The following RSRC1 variants were observed in gnomAD, a reference collection of about 807,000 sequenced individuals.
RSRC1 encodes arginine and serine rich coiled-coil 1, also known as serine/Arginine-related protein 53.
RSRC1 carries 39 observed loss-of-function variants against 49.1 expected under a neutral mutation model. The ratio of observed to expected loss-of-function variants is 0.79; its 90% confidence interval spans 0.61 to 1.04. The LOEUF (loss-of-function observed/expected upper bound fraction) is 1.04. Among genes scored for constraint, RSRC1 ranks in the 50% least tolerant of loss-of-function variants. RSRC1 has a pLI of 0.00. For missense variants in RSRC1, 388 were observed against 402.4 expected, an observed-to-expected ratio of 0.96 and a Z score of 0.31; for synonymous variants, 143 against 130.8, an observed-to-expected ratio of 1.09 and a Z score of -0.63.
intron 4 of RSRC1, among the ~76,000 whole-genome samples, chr3:158,260,207 G>T (rs930461639): frequency 9.2e-5 from 14 of 152,090 alleles, no homozygotes; most frequent in Non-Finnish European, 1.9e-4. Flanking sequence ...AGCCAGCTTG[G>T]CTCTGAGTCT....
At chr3:158,390,811 C>T (rs546888455) in intron 6 of RSRC1, among the ~76,000 whole-genome samples, 9 of 152,078 alleles carry the variant, frequency 5.9e-5, no homozygotes, top group South Asian at 2.1e-4. Context: ...TGGATTTGTG[C>T]GCATTGTAAT....
chr3:158,111,005 G>A (rs1257288503), intron 1 of RSRC1, among the ~76,000 whole-genome samples: 2 of 152,170 alleles, frequency 1.3e-5, no homozygotes, highest in East Asian at 1.9e-4. Flanking sequence ...TACACTTTCA[G>A]AATTAGCAGT....
intron 4 of RSRC1, among the ~76,000 whole-genome samples, chr3:158,292,859 C>T (rs1342295995): frequency 6.6e-6 from 1 of 152,170 alleles, no homozygotes; most frequent in Non-Finnish European, 1.5e-5. Flanking sequence ...AAGTAAGCCT[C>T]ACATCATAGG....
At position 158,380,072 on chromosome 3, in the gene RSRC1, A is replaced by T. The variant is rs559254138; in HGVS notation, c.583+25164A>T. 2.0e-5 allele frequency among the ~76,000 whole-genome samples: 3 copies of T among 152,242 alleles called. No homozygotes were observed. In the South Asian group the frequency reaches 6.2e-4, roughly 32 times the overall value. ...GATATATGAAGGAATAATTGGCTTT[A>T]CTTTAATGTTTCTCATTTTTCTCTA... On this transcript the variant is annotated intron_variant, in intron 6 of 9. Transcript: ENST00000611884.
At chr3:158,272,565 CA>C (rs1371436053) in intron 4 of RSRC1, among the ~76,000 whole-genome samples, 2 of 151,454 alleles carry the variant, frequency 1.3e-5, no homozygotes, top group Non-Finnish European at 2.9e-5. Context: ...TTATGTTTTT[CA>C]AAAAAATTTT....
intron 8 of RSRC1, among the ~76,000 whole-genome samples, chr3:158,541,110 CA>C (rs2108508760): frequency 6.6e-6 from 1 of 152,248 alleles, no homozygotes; most frequent in East Asian, 1.9e-4. Context: ...CACTATACAC[CA>C]GCCCCTCTGG....
At chr3:158,118,954 T>C (rs1377162558) in intron 1 of RSRC1, among the ~76,000 whole-genome samples, 2 of 152,080 alleles carry the variant, frequency 1.3e-5, no homozygotes, top group African/African-American at 4.8e-5. Context: ...GGCTATGACT[T>C]TTCTATTTGA....
At chr3:158,444,342 G>A (rs940636100) in intron 6 of RSRC1, among the ~76,000 whole-genome samples, 2 of 152,068 alleles carry the variant, frequency 1.3e-5, no homozygotes, top group African/African-American at 4.8e-5. Flanking sequence ...AGAACCCTCA[G>A]AAATAATACC....
At chr3:158,444,732 T>C (rs2108379362) in intron 6 of RSRC1, among the ~76,000 whole-genome samples, 1 of 151,658 alleles carries the variant, frequency 6.6e-6, no homozygotes, top group Middle Eastern at 3.4e-3. Context: ...ACCTGCAGAG[T>C]AGGAAAATTT....
At chr3:158,172,584 C>A (rs111674439) in intron 3 of RSRC1, among the ~76,000 whole-genome samples, 5 of 152,034 alleles carry the variant, frequency 3.3e-5, no homozygotes, top group African/African-American at 7.3e-5. Flanking sequence ...TTTAGTTGAC[C>A]CTTCTAGGTT....
chr3:158,232,446 G>A (rs1723020091), intron 4 of RSRC1, among the ~76,000 whole-genome samples: 3 of 151,978 alleles, frequency 2.0e-5, no homozygotes, highest in Admixed American at 1.3e-4. Context: ...TTGACAGGTG[G>A]GGATAGTCAC....
At chr3:158,384,012 A>T (rs1410715568) in intron 6 of RSRC1, among the ~76,000 whole-genome samples, 1 of 152,098 alleles carries the variant, frequency 6.6e-6, no homozygotes, top group East Asian at 1.9e-4. Flanking sequence ...TATATTTTAT[A>T]TATTTTAGAA....
intron 7 of RSRC1, among the ~76,000 whole-genome samples, chr3:158,519,631 T>C (rs906254173): frequency 1.3e-5 from 2 of 152,146 alleles, no homozygotes; most frequent in East Asian, 3.9e-4. Context: ...AGCCAGATTA[T>C]ACCAGCCTTC....
chr3:158,293,150 T>C (rs1727034963), intron 4 of RSRC1, among the ~76,000 whole-genome samples: 1 of 152,156 alleles, frequency 6.6e-6, no homozygotes, highest in Non-Finnish European at 1.5e-5. Context: ...TTAAGCTTTA[T>C]GTATATGCAA....
chr3:158,499,889 T>C (rs1739514341), intron 7 of RSRC1, among the ~76,000 whole-genome samples: 1 of 152,168 alleles, frequency 6.6e-6, no homozygotes, highest in Non-Finnish European at 1.5e-5. Flanking sequence ...TGGCTATGAC[T>C]TCGAGTACTA....
At chr3:158,397,745 C>T (rs529032590) in intron 6 of RSRC1, among the ~76,000 whole-genome samples, 1 of 152,130 alleles carries the variant, frequency 6.6e-6, no homozygotes, top group South Asian at 2.1e-4. Flanking sequence ...GCTTCAGAAC[C>T]TTTGAACATG....
intron 3 of RSRC1, among the ~76,000 whole-genome samples, chr3:158,178,937 C>G (rs1559931276): frequency 1.3e-5 from 2 of 151,910 alleles, no homozygotes; most frequent in Non-Finnish European, 2.9e-5. Context: ...GTTATATTTA[C>G]TTACTGGTTA....
At chr3:158,224,270 A>G (rs774726348) in intron 4 of RSRC1, among the ~76,000 whole-genome samples, 2 of 151,834 alleles carry the variant, frequency 1.3e-5, no homozygotes, top group Non-Finnish European at 2.9e-5. Context: ...TCGTCAGCAT[A>G]CGCTTTAAAA....
intron 3 of RSRC1, among the ~76,000 whole-genome samples, chr3:158,151,208 A>C (rs1274960259): frequency 6.6e-6 from 1 of 152,216 alleles, no homozygotes; most frequent in African/African-American, 2.4e-5. Flanking sequence ...AAATGAAGAC[A>C]TGAAGAAAGG....
Sources: gnomAD v4.1 joint callset for allele counts (sites outside exome capture counted in the v4.1 genomes callset) on GRCh38, gnomAD v4.1.1 for gene constraint, MANE v1.5 for transcripts, NCBI Gene and HGNC (gene_info 2026-07-23, HGNC 2026-07-21) for gene names.